Variants in PPP2R2C observed in about 807,000 individuals in gnomAD.
PPP2R2C encodes protein phosphatase 2 regulatory subunit Bgamma.
PPP2R2C carries 10 observed loss-of-function variants against 45.3 expected under a neutral mutation model. The observed-to-expected ratio is 0.22, with a 90% CI of 0.14 to 0.37. The LOEUF (loss-of-function observed/expected upper bound fraction) is 0.37. PPP2R2C is among the 10% of genes least tolerant of loss of function. PPP2R2C has a pLI of 1.00. For synonymous variants in PPP2R2C, 257 were observed against 245.4 expected, an observed-to-expected ratio of 1.05 and a Z score of -0.44; for missense variants, 308 against 619.7, an observed-to-expected ratio of 0.50 and a Z score of 5.34.
chr4:6,362,078 G>C (rs1713806244), intron 5 of PPP2R2C, among the ~76,000 whole-genome samples: 3 of 152,130 alleles, frequency 2.0e-5, no homozygotes, highest in Admixed American at 2.0e-4. Flanking sequence ...GCAAGGCTCA[G>C]AGGTGTGAGA....
At chr4:6,535,757 T>C (rs1013830727) in intron 1 of PPP2R2C, among the ~76,000 whole-genome samples, 1 of 152,166 alleles carries the variant, frequency 6.6e-6, no homozygotes, top group Non-Finnish European at 1.5e-5. Context: ...CTTAAAAACA[T>C]GGAACTAGAA....
chr4:6,490,337 T>A lies in PPP2R2C; in HGVS notation c.49+44934A>T, dbSNP rs1462175081. 2.6e-5 allele frequency among the ~76,000 whole-genome samples: 4 copies of A among 152,258 alleles called. No individual in the cohort carries two copies. The East Asian group carries it at 7.7e-4, about 29-fold the overall frequency. On this transcript the variant is annotated intron_variant, in intron 2 of 9. Coordinates refer to the PPP2R2C transcript ENST00000506140. ...ATGGCATTCATCTTTCCCACTGGCA[T>A]TTCCAAGCCATCCTCTCATGACACT... is the stretch of plus-strand genomic sequence containing the variant.
At chr4:6,486,297 A>G (rs1480540212) in intron 2 of PPP2R2C, among the ~76,000 whole-genome samples, 2 of 152,104 alleles carry the variant, frequency 1.3e-5, no homozygotes, top group African/African-American at 4.8e-5. Flanking sequence ...TGGCCAGAAT[A>G]TGGCCTATTT....
intron 2 of PPP2R2C, among the ~76,000 whole-genome samples, chr4:6,380,546 T>A (rs2109312233): frequency 6.6e-6 from 1 of 152,194 alleles, no homozygotes; most frequent in South Asian, 2.1e-4. Flanking sequence ...ACAACGCAGG[T>A]CACCCAGGCA....
chr4:6,533,482 G>A (rs937236929), intron 2 of PPP2R2C, among the ~76,000 whole-genome samples: 4 of 152,144 alleles, frequency 2.6e-5, no homozygotes, highest in African/African-American at 7.2e-5. Flanking sequence ...GGGGTGCCAG[G>A]GCCTGGTACC....
intron 2 of PPP2R2C, among the ~76,000 whole-genome samples, chr4:6,506,466 A>G (rs1307895473): frequency 6.6e-6 from 1 of 152,246 alleles, no homozygotes; most frequent in Non-Finnish European, 1.5e-5. Context: ...TCACATGGAA[A>G]CAGGACACAG....
intron 2 of PPP2R2C, among the ~76,000 whole-genome samples, chr4:6,493,413 C>G (rs924555557): frequency 6.6e-6 from 1 of 151,498 alleles, no homozygotes; most frequent in Admixed American, 6.6e-5. Flanking sequence ...TTTCACTGTC[C>G]TATCCCAAGC....
At chr4:6,410,188 C>T (rs1377697303) in intron 1 of PPP2R2C, among the ~76,000 whole-genome samples, 1 of 152,206 alleles carries the variant, frequency 6.6e-6, no homozygotes, top group Non-Finnish European at 1.5e-5. Context: ...GCTGATGAAG[C>T]AGAGTGTGAG....
chr4:6,501,722 G>T (rs1723062832), intron 2 of PPP2R2C, among the ~76,000 whole-genome samples: 1 of 152,238 alleles, frequency 6.6e-6, no homozygotes, highest in South Asian at 2.1e-4. Context: ...CCATGGCTTA[G>T]GGTGGCCTGG....
chr4:6,399,553 C>T (rs1339216494), intron 1 of PPP2R2C, among the ~76,000 whole-genome samples: 1 of 152,202 alleles, frequency 6.6e-6, no homozygotes, highest in African/African-American at 2.4e-5. Flanking sequence ...GGGTAGAATT[C>T]ATTAATTGCA....
At chr4:6,545,182 C>T (rs1018803637) in intron 1 of PPP2R2C, among the ~76,000 whole-genome samples, 8 of 152,230 alleles carry the variant, frequency 5.3e-5, no homozygotes, top group Non-Finnish European at 7.3e-5. Flanking sequence ...TGGAAAAGCT[C>T]ACATAGTTTT....
In PPP2R2C at chr4:6,329,365, A is replaced by T. The variant is rs1732215223; in HGVS notation, c.961-12T>A. 1 of 1,610,844 alleles carries T rather than the reference A, an allele frequency of 6.2e-7. No individual in the cohort carries two copies. The highest frequency in any genetic ancestry group is 1.7e-5 in the Admixed American group (1 of 59,994). Reference sequence around the variant, plus strand: ...AGGTAGTCATGGACCTGGTGGGATAAGGGATGAGGTGAGTGGACGGGGCGT... The same window carrying T: ...AGGTAGTCATGGACCTGGTGGGATATGGGATGAGGTGAGTGGACGGGGCGT... On this transcript the variant is annotated splice_polypyrimidine_tract_variant and intron_variant, in intron 7 of 8. Transcript: ENST00000382599. This position sits in a 1 kb window ranked among gnomAD's most constrained non-coding sequence, Gnocchi z 5.8.
At chr4:6,410,198 G>A (rs922948801) in intron 1 of PPP2R2C, among the ~76,000 whole-genome samples, 1 of 152,220 alleles carries the variant, frequency 6.6e-6, no homozygotes, top group African/African-American at 2.4e-5. Context: ...CAGAGTGTGA[G>A]CTGTGATTAT....
chr4:6,365,677 G>T (rs553979570), intron 5 of PPP2R2C, among the ~76,000 whole-genome samples: 50 of 152,314 alleles, frequency 3.3e-4, no homozygotes, highest in African/African-American at 1.2e-3. Flanking sequence ...CTTCAGGCAG[G>T]CATGGGCTGA....
At chr4:6,458,933 A>T (rs1721179896) in intron 1 of PPP2R2C, among the ~76,000 whole-genome samples, 1 of 152,226 alleles carries the variant, frequency 6.6e-6, no homozygotes, top group Non-Finnish European at 1.5e-5. Context: ...GAAGGAAGTT[A>T]CCGGAAGGCT....
chr4:6,424,979 A>G (rs954462783), intron 1 of PPP2R2C, among the ~76,000 whole-genome samples: 1 of 152,228 alleles, frequency 6.6e-6, no homozygotes, highest in Admixed American at 6.5e-5. Context: ...ATGGGGACAC[A>G]AGAGTCTCTA....
chr4:6,434,056 G>C (rs1025646206), intron 1 of PPP2R2C, among the ~76,000 whole-genome samples: 1 of 152,026 alleles, frequency 6.6e-6, no homozygotes, highest in Non-Finnish European at 1.5e-5. Flanking sequence ...CATCCTACCA[G>C]AAGGAGTCTA....
intron 5 of PPP2R2C, among the ~76,000 whole-genome samples, chr4:6,358,087 G>A (rs1713378415): frequency 6.6e-6 from 1 of 152,114 alleles, no homozygotes; most frequent in Non-Finnish European, 1.5e-5. Flanking sequence ...TTCAAACTAT[G>A]CTACAAAGCT....
At chr4:6,508,859 A>T (rs1030951894) in intron 2 of PPP2R2C, among the ~76,000 whole-genome samples, 6 of 152,196 alleles carry the variant, frequency 3.9e-5, no homozygotes, top group African/African-American at 1.4e-4. Flanking sequence ...CACCCCAAAA[A>T]ACAAATCAAG....
Sources: allele counts gnomAD v4.1 joint callset (sites outside exome capture counted in the v4.1 genomes callset), GRCh38; gene constraint gnomAD v4.1.1; non-coding constraint Gnocchi (gnomAD v3.1); transcripts MANE v1.5; gene names NCBI Gene and HGNC (gene_info 2026-07-23, HGNC 2026-07-21).